Variants in RIDA observed in about 807,000 individuals in gnomAD.
RIDA encodes 2-iminobutanoate/2-iminopropanoate deaminase.
RIDA carries 17 observed loss-of-function variants against 17.8 expected under a neutral mutation model. The ratio of observed to expected loss-of-function variants is 0.96; its 90% confidence interval spans 0.65 to 1.43. The LOEUF is 1.43. Ranked by LOEUF, RIDA falls within the 40% of genes most tolerant of loss-of-function variation. The probability of loss-of-function intolerance (pLI) is 0.00; values close to 1 mark genes in which losing one functional copy is unlikely to be tolerated. For missense variants in RIDA, 158 were observed against 161.7 expected, an observed-to-expected ratio of 0.98 and a Z score of 0.12; for synonymous variants, 48 against 55.7, an observed-to-expected ratio of 0.86 and a Z score of 0.62.
At chr8:98,108,810 A>G (rs76631768) in intron 1 of RIDA, 59 bp from the exon 2 acceptor site, 5 of 1,091,320 alleles carry the variant, frequency 4.6e-6, no homozygotes, top group South Asian at 2.5e-5. Context: ...ATTCAATGCT[A>G]GAAGACTTTT....
intron 1 of RIDA, among the ~76,000 whole-genome samples, 192 bp from the exon 2 acceptor site, chr8:98,108,943 T>C (rs968063811): frequency 6.6e-6 from 1 of 152,148 alleles, no homozygotes; most frequent in Non-Finnish European, 1.5e-5. Flanking sequence ...CTGGGTGCTG[T>C]AATCCTAGTG....
intron 1 of RIDA, among the ~76,000 whole-genome samples, chr8:98,114,327 CTTT>C (rs10576507): frequency 0.22 from 32,041 of 143,118 alleles, 3,647 homozygotes; most frequent in Non-Finnish European, 0.27. Flanking sequence ...CTGCTAAAAT[CTTT>C]TTTTTTTTTT....
intron 1 of RIDA, among the ~76,000 whole-genome samples, chr8:98,111,327 G>A (rs1815723170): frequency 6.6e-6 from 1 of 152,174 alleles, no homozygotes; most frequent in African/African-American, 2.4e-5. Context: ...GTGAAATGTG[G>A]CAGGGCATGG....
At chr8:98,107,475 G>A (rs1815647682) in intron 2 of RIDA, among the ~76,000 whole-genome samples, 2 of 152,194 alleles carry the variant, frequency 1.3e-5, no homozygotes, top group African/African-American at 4.8e-5. Context: ...AGTGAGCTGA[G>A]ATCACGACAC....
Position 98,106,295 on chromosome 8 carries a change from G to C in RIDA, c.203C>G (p.Ala68Gly). 2 of 1,613,836 alleles carry C rather than the reference G, an allele frequency of 1.2e-6. No individual in the cohort carries two copies. The highest frequency in any genetic ancestry group is 1.7e-6 in the Non-Finnish European group (2 of 1,179,818). The change falls in exon 3 of 6, where the codon GCT becomes GGT. Residue 68 changes from alanine (A) to glycine (G), a missense_variant. Ala to Gly is a moderately conservative substitution (Grantham distance 60, BLOSUM62 0). Transcript: ENST00000254878. ...ALKNMGEILK[A>G]AGCDFTNVVK... is the part of the protein sequence containing the mutation. ...ACCGTTAGTGAAGTCACAGCCTGCA[G>C]CTTTCAGAATTTCACCCATGTTTTT... is the stretch of plus-strand genomic sequence containing the variant.
In RIDA at chr8:98,117,147, A is replaced by G. The variant is rs1226770032; in HGVS notation, c.-51T>C. 6.5e-7 allele frequency: 1 copy of G among 1,546,134 alleles called. No homozygotes were observed. The highest frequency in any genetic ancestry group is 8.9e-7 in the Non-Finnish European group (1 of 1,118,002). ...CTTCAGGAGAAGAAGCCCCAGCACC[A>G]GCCCTGCTGGCTTCTTACTGGACTG... is the stretch of plus-strand genomic sequence containing the variant. On this transcript the variant is annotated 5_prime_UTR_variant, in exon 1 of 6. Transcript: ENST00000254878.
At chr8:98,105,194 G>A (rs929304214) in intron 4 of RIDA, among the ~76,000 whole-genome samples, 12 of 133,114 alleles carry the variant, frequency 9.0e-5, no homozygotes, top group African/African-American at 3.0e-4. Flanking sequence ...ATGGAGTTTT[G>A]TTTTTAAAGT....
chr8:98,108,368 A>G (rs946554160), intron 2 of RIDA, among the ~76,000 whole-genome samples: 2 of 150,112 alleles, frequency 1.3e-5, no homozygotes, highest in Non-Finnish European at 3.0e-5. Context: ...TTCCCAATCC[A>G]TGTGGAAGTG....
chr8:98,109,718 C>T (rs1815692690), intron 1 of RIDA, among the ~76,000 whole-genome samples: 1 of 152,148 alleles, frequency 6.6e-6, no homozygotes, highest in Non-Finnish European at 1.5e-5. Flanking sequence ...ATCTCAGCCT[C>T]CTAAGTAGCT....
At position 98,108,911 on chromosome 8, in the gene RIDA, T is replaced by C. The variant is rs538528492; in HGVS notation, c.66-160A>G. The stretch of plus-strand genomic sequence containing the variant: ...TGAAAACTTTTGTTTATCAAAGATA[T>C]CTTTAAGAAAATGAAAAGGGGCTGG... On this transcript the variant is annotated intron_variant, in intron 1 of 5. Coordinates refer to ENST00000254878, the MANE Select transcript of RIDA (RefSeq NM_005836.3). The C allele has an allele frequency of 1.9e-4, 105 of 553,256 alleles. 2 individuals are homozygous for C. Among genetic ancestry groups the C allele is most frequent in the South Asian group, 1.7e-3 (70 of 42,334 alleles). 34.3% of individuals were successfully genotyped at this position (553,256 alleles called of 1,614,324 possible).
intron 2 of RIDA, chr8:98,106,734 A>G (rs10087186): frequency 0.011 from 1,674 of 156,722 alleles, 29 homozygotes; most frequent in African/African-American, 0.038. Flanking sequence ...TCAAAAAAAC[A>G]ATATTAGTAA....
At chr8:98,110,114 T>C (rs998357284) in intron 1 of RIDA, among the ~76,000 whole-genome samples, 2 of 152,224 alleles carry the variant, frequency 1.3e-5, no homozygotes, top group African/African-American at 4.8e-5. Context: ...CAGCAGATTA[T>C]TAATTGTTGT....
Position 98,102,985 on chromosome 8 carries a change from C to T in RIDA, c.352-81G>A. 1.1e-5 allele frequency: 10 copies of T among 897,054 alleles called. No individual in the cohort carries two copies. In the South Asian group the frequency reaches 1.5e-4, roughly 13 times the overall value. 55.6% of individuals were successfully genotyped at this position (897,054 alleles called of 1,614,324 possible). A position where few individuals can be genotyped will look rare whatever the true frequency, so the allele number is the denominator to read the frequency against. On this transcript the variant is annotated intron_variant, in intron 5 of 5. Transcript: ENST00000254878. ...ATAATACCTACTAAAAACATGCAAC[C>T]AACAGCAATATAACATTTTTAACAT...
intron 1 of RIDA, among the ~76,000 whole-genome samples, chr8:98,115,902 A>G (rs1197767927): frequency 6.6e-6 from 1 of 152,162 alleles, no homozygotes; most frequent in African/African-American, 2.4e-5. Flanking sequence ...TCAAAGAAAT[A>G]GGTTAAGTAA....
At chr8:98,109,907 A>G (rs1479781030) in intron 1 of RIDA, among the ~76,000 whole-genome samples, 2 of 152,140 alleles carry the variant, frequency 1.3e-5, no homozygotes, top group East Asian at 1.9e-4. Flanking sequence ...TTGAGCCTCA[A>G]CTCAGCAATT....
At chr8:98,109,987 A>G (rs1298327021) in intron 1 of RIDA, among the ~76,000 whole-genome samples, 3 of 152,220 alleles carry the variant, frequency 2.0e-5, no homozygotes. Flanking sequence ...TGTTCAGAAT[A>G]GCATTATTTA....
At chr8:98,104,317 C>T (rs1007578244) in intron 5 of RIDA, among the ~76,000 whole-genome samples, 172 bp downstream of exon 5, 1 of 152,062 alleles carries the variant, frequency 6.6e-6, no homozygotes, top group African/African-American at 2.4e-5. Context: ...GAACTCCTGG[C>T]CTCAAGCGAT....
intron 5 of RIDA, among the ~76,000 whole-genome samples, 163 bp from the exon 6 acceptor site, chr8:98,103,067 C>G (rs1457026027): frequency 1.3e-5 from 2 of 152,170 alleles, no homozygotes; most frequent in African/African-American, 2.4e-5. Flanking sequence ...CTATAACAGA[C>G]CAGGTTACCA....
At chr8:98,106,641 A>G (rs924046983) in intron 2 of RIDA, 7 of 258,416 alleles carry the variant, frequency 2.7e-5, no homozygotes, top group Non-Finnish European at 5.2e-5. Context: ...TATCACGTCA[A>G]GGATAAGGAT....
Sources: allele counts gnomAD v4.1 joint callset (sites outside exome capture counted in the v4.1 genomes callset), GRCh38; gene constraint gnomAD v4.1.1; transcripts MANE v1.5; gene names NCBI Gene and HGNC (gene_info 2026-07-23, HGNC 2026-07-21).